The following INCENP variants were observed in gnomAD, a reference collection of about 807,000 sequenced individuals.
The protein encoded by INCENP is binds and activates aurora-B and -C in vivo and in vitro.
A neutral mutation model predicts 107.3 loss-of-function variants in INCENP; 43 were observed. That is an observed-to-expected ratio of 0.40 (90% CI 0.31 to 0.52). INCENP has a LOEUF of 0.52. Among genes scored for constraint, INCENP ranks in the 20% least tolerant of loss-of-function variants. INCENP has a pLI of 0.53. For synonymous variants in INCENP, 488 were observed against 494.4 expected, an observed-to-expected ratio of 0.99 and a Z score of 0.17; for missense variants, 1,089 against 1,250.9, an observed-to-expected ratio of 0.87 and a Z score of 1.95.
intron 4 of INCENP, among the ~76,000 whole-genome samples, chr11:62,137,401 G>T (rs963515035): frequency 2.0e-5 from 3 of 152,258 alleles, no homozygotes; most frequent in Non-Finnish European, 4.4e-5. Flanking sequence ...CCAGATGGTG[G>T]TTCTGTTTTG....
In INCENP at chr11:62,141,517, T is replaced by C. The variant is rs1395449897; in HGVS notation, c.1605+6T>C. 2 of 1,613,896 alleles carry C rather than the reference T, an allele frequency of 1.2e-6. No individual in the cohort carries two copies. Among genetic ancestry groups the C allele is most frequent in the African/African-American group, 2.7e-5 (2 of 74,930 alleles). ...CTCCACAGTGCAGCTTCGTCGTAAG[T>C]AAAGCCTTTTCCTGTCGGTAACCTC... On this transcript the variant is annotated splice_donor_region_variant and intron_variant, in intron 11 of 18. Transcript: ENST00000394818.
chr11:62,140,755 C>T lies in INCENP; in HGVS notation c.1395C>T (p.His465=). 1 of 1,608,292 alleles carries T rather than the reference C, an allele frequency of 6.2e-7. No homozygotes were observed. Among genetic ancestry groups the T allele is most frequent in the Non-Finnish European group, 8.5e-7 (1 of 1,178,166 alleles). ...TGAGTGAGCTGGACGAGGAGCAGCACCTGGAGGATGAGGAGCTGCAGCCCC... is the reference window on the plus strand; with the variant it reads ...TGAGTGAGCTGGACGAGGAGCAGCATCTGGAGGATGAGGAGCTGCAGCCCC... ...QAVSELDEEQ[H]LEDEELQPPR... The change falls in exon 9 of 19, where the codon CAC becomes CAT. Residue 465 remains histidine (H), a synonymous_variant. Transcript: ENST00000394818.
rs747348443 is a variant in INCENP at position 62,150,221 on chromosome 11, A to G, written c.2542+14A>G. The G allele has an allele frequency of 1.3e-5, 21 of 1,613,368 alleles. No homozygotes were observed. Among genetic ancestry groups the G allele is most frequent in the Middle Eastern group, 3.3e-4 (2 of 6,080 alleles). On this transcript the variant is annotated intron_variant, in intron 18 of 18. Coordinates refer to ENST00000394818, the MANE Select transcript of INCENP (RefSeq NM_001040694.2). ...CCTGGGCCCGAGGTAAGCAAAGCCC[A>G]CAGCTCCCTGGGAGACTCAGGCCCT...
chr11:62,145,804 C>A, intron 14 of INCENP, 53 bp downstream of exon 14: 1 of 1,528,334 alleles, frequency 6.5e-7, no homozygotes, highest in South Asian at 1.2e-5. Context: ...GGCGCTGTCT[C>A]AGCACCATGG....
intron 4 of INCENP, among the ~76,000 whole-genome samples, chr11:62,134,383 A>AACCTAGGT (rs1943948213): frequency 6.8e-6 from 1 of 147,182 alleles, no homozygotes. Flanking sequence ...ACTGCACTCC[A>AACCTAGGT]GACAGAGTGA....
At chr11:62,131,809 G>A (rs186574038) in intron 4 of INCENP, among the ~76,000 whole-genome samples, 5 of 151,724 alleles carry the variant, frequency 3.3e-5, no homozygotes, top group East Asian at 3.9e-4. Context: ...ACAGAGTCTC[G>A]CTCTGTTGCC....
At chr11:62,133,869 C>G (rs1402755621) in intron 4 of INCENP, among the ~76,000 whole-genome samples, 1 of 152,166 alleles carries the variant, frequency 6.6e-6, no homozygotes, top group Non-Finnish European at 1.5e-5. Context: ...CTTCCCTTCT[C>G]TGTGCCTGGC....
rs1943869851 is a variant in INCENP, at chr11:62,130,530, G to A, written c.1003G>A (p.Ala335Thr). 1 of 1,614,048 alleles carries A rather than the reference G, an allele frequency of 6.2e-7. No individual in the cohort carries two copies. Among genetic ancestry groups the A allele is most frequent in the Non-Finnish European group, 8.5e-7 (1 of 1,180,040 alleles). The change falls in exon 4 of 19, where the codon GCG becomes ACG. Residue 335 changes from alanine (A) to threonine (T), a missense_variant. By Grantham distance (58) the Ala-to-Thr change is moderately conservative. Coordinates refer to ENST00000394818, the MANE Select transcript of INCENP (RefSeq NM_001040694.2). ...CAAACAGGAAAGTGTTGTCCGCAGG[G>A]CGAGCAGAAGGCTTGCCAAGAAGAC... is the stretch of plus-strand genomic sequence containing the variant. The part of the protein sequence containing the change: ...VAKQESVVRR[A>T]SRRLAKKTAE...
rs370763749 is a variant in INCENP at position 62,130,277 on chromosome 11, G to T, written c.750G>T (p.Thr250=). 1 of 1,612,596 alleles carries T rather than the reference G, an allele frequency of 6.2e-7. No homozygotes were observed. Among genetic ancestry groups the T allele is most frequent in the Non-Finnish European group, 8.5e-7 (1 of 1,180,014 alleles). ...PQDPKGQGVG[T]GRSASKLRIA... is the part of the protein sequence containing the mutation. Reference sequence around the variant, plus strand: ...ACCCCAAGGGTCAAGGGGTCGGGACGGGGCGGTCTGCGTCTAAGCTCAGGA... The same window carrying T: ...ACCCCAAGGGTCAAGGGGTCGGGACTGGGCGGTCTGCGTCTAAGCTCAGGA... Residue 250 remains threonine, a synonymous_variant, in exon 4 of 19, where the codon ACG becomes ACT. Coordinates refer to ENST00000394818, the MANE Select transcript of INCENP (RefSeq NM_001040694.2).
At chr11:62,144,429 A>G (rs1384016225) in intron 11 of INCENP, among the ~76,000 whole-genome samples, 4 of 152,142 alleles carry the variant, frequency 2.6e-5, no homozygotes, top group African/African-American at 9.7e-5. Context: ...ATCTCACTAG[A>G]CTGTTAGCAT....
At chr11:62,149,777 C>T (rs1291921151) in intron 17 of INCENP, among the ~76,000 whole-genome samples, 2 of 152,150 alleles carry the variant, frequency 1.3e-5, no homozygotes, top group African/African-American at 4.8e-5. Flanking sequence ...AAAAAATTGG[C>T]CGGGTGTGGT....
In INCENP at chr11:62,150,057, T is replaced by C. The variant is rs1468488655; in HGVS notation, c.2392T>C (p.Ser798Pro). The C allele has an allele frequency of 1.2e-6, 2 of 1,613,512 alleles. No homozygotes were observed. The highest frequency in any genetic ancestry group is 3.3e-5 in the Admixed American group (2 of 59,954). The change falls in exon 18 of 19, where the codon TCT becomes CCT. Residue 798 changes from serine (S) to proline (P), a missense_variant and splice_region_variant. By Grantham distance (74) the Ser-to-Pro change is moderately conservative (BLOSUM62 -1). Coordinates refer to ENST00000394818, the MANE Select transcript of INCENP (RefSeq NM_001040694.2). The stretch of plus-strand genomic sequence containing the variant: ...CTGACGGCCACGTTTGTTTTTGCAG[T>C]CTCCAGCTTGTACCTCATATCAGAT... ...KALNVTVDVQ[S>P]PACTSYQMTP... is the part of the protein sequence containing the mutation.
At position 62,128,656 on chromosome 11, in the gene INCENP, G is replaced by C. The variant is rs1943810836; in HGVS notation, c.141-114G>C. On this transcript the variant is annotated intron_variant, in intron 2 of 18. Transcript: ENST00000394818. ...GCCTTGGAGAGCTCACTTGGTGCTG[G>C]ACACCCCAGCTTGACCTGTCGCTGC... 4 of 768,394 alleles carry C rather than the reference G, an allele frequency of 5.2e-6. No homozygotes were observed. In the Admixed American group the frequency reaches 5.9e-5, roughly 11 times the overall value. 47.6% of individuals were successfully genotyped at this position (768,394 alleles called of 1,614,324 possible).
Position 62,151,891 on chromosome 11 carries a change from G to A in INCENP, c.2672G>A (p.Arg891His), listed in dbSNP as rs1293643032. 1 of 1,614,058 alleles carries A rather than the reference G, an allele frequency of 6.2e-7. No homozygotes were observed. The highest frequency in any genetic ancestry group is 8.5e-7 in the Non-Finnish European group (1 of 1,180,036). Residue 891 changes from arginine (R) to histidine (H), a missense_variant, in exon 19 of 19, where the codon CGC becomes CAC. By Grantham distance (29) the Arg-to-His change is conservative. Transcript: ENST00000394818. ...FKKSKPRYHKRTSSAVWNSPP... is the reference protein window; with the variant it reads ...FKKSKPRYHKHTSSAVWNSPP... ...AAGAGCAAGCCCCGCTATCACAAGCGCACCAGCTCTGCTGTCTGGAACTCA... is the reference window on the plus strand; with the variant it reads ...AAGAGCAAGCCCCGCTATCACAAGCACACCAGCTCTGCTGTCTGGAACTCA...
At chr11:62,132,362 A>ACCTT (rs1369844644) in intron 4 of INCENP, among the ~76,000 whole-genome samples, 15 of 152,196 alleles carry the variant, frequency 9.9e-5, no homozygotes, top group Admixed American at 2.6e-4. Flanking sequence ...AGGGCCTGTC[A>ACCTT]GGCAGGGGAG....
chr11:62,150,281 G>T, intron 18 of INCENP, 74 bp downstream of exon 18: 1 of 1,523,496 alleles, frequency 6.6e-7, no homozygotes, highest in East Asian at 2.3e-5. Flanking sequence ...TGGAAGTAGT[G>T]GGTTGGCTGC....
intron 1 of INCENP, among the ~76,000 whole-genome samples, chr11:62,126,471 C>T (rs1198712842): frequency 3.3e-5 from 5 of 152,192 alleles, no homozygotes; most frequent in Non-Finnish European, 5.9e-5. Context: ...GCTGGGATTA[C>T]AGGCGTGAGC....
At position 62,141,690 on chromosome 11, in the gene INCENP, G is replaced by A. The variant is rs1216780098; in HGVS notation, c.1605+179G>A. 10 of 812,122 alleles carry A rather than the reference G, an allele frequency of 1.2e-5. No individual in the cohort carries two copies. In the East Asian group the frequency reaches 2.5e-4, roughly 20 times the overall value. The allele number at this position is 812,122 out of a possible 1,614,324, so 50.3% of individuals were successfully genotyped here. On this transcript the variant is annotated intron_variant, in intron 11 of 18. Coordinates refer to ENST00000394818, the MANE Select transcript of INCENP (RefSeq NM_001040694.2). ...TGGCTGGAGGCGCCCAGCAGTTCTG[G>A]GCCCCAGCGTCCTTCTCTGCCCTCC...
At chr11:62,127,884 T>C (rs922992344) in intron 1 of INCENP, among the ~76,000 whole-genome samples, 2 of 150,530 alleles carry the variant, frequency 1.3e-5, no homozygotes, top group African/African-American at 4.9e-5. Flanking sequence ...TGTGGACTTA[T>C]GGGGACAGTC....
Sources: allele counts gnomAD v4.1 joint callset (sites outside exome capture counted in the v4.1 genomes callset), GRCh38; gene constraint gnomAD v4.1.1; transcripts MANE v1.5; gene names NCBI Gene and HGNC (gene_info 2026-07-23, HGNC 2026-07-21).